The following HS3ST5 variants were observed in gnomAD, a reference collection of about 807,000 sequenced individuals.
The protein encoded by HS3ST5 is heparan sulfate-glucosamine 3-sulfotransferase 5.
HS3ST5 carries 10 observed loss-of-function variants against 25.4 expected under a neutral mutation model. The ratio of observed to expected loss-of-function variants is 0.39; its 90% CI spans 0.24 to 0.67. The LOEUF is 0.67. Ranked by LOEUF, HS3ST5 falls within the 30% of genes least tolerant of loss-of-function variation. The pLI is 0.44. For synonymous variants in HS3ST5, 170 were observed against 162.4 expected (o/e 1.05, Z -0.36); for missense variants, 324 against 420.7 (o/e 0.77, Z 2.01).
At chr6:114,225,894 A>G (rs865961904) in intron 2 of HS3ST5, among the ~76,000 whole-genome samples, 33 of 151,942 alleles carry the variant, frequency 2.2e-4, no homozygotes, top group African/African-American at 7.7e-4. Flanking sequence ...AAAATTACAC[A>G]GCTTATGCTT....
chr6:114,330,441 C>T (rs1217501108), intron 1 of HS3ST5, among the ~76,000 whole-genome samples: 1 of 152,158 alleles, frequency 6.6e-6, no homozygotes, highest in Non-Finnish European at 1.5e-5. Flanking sequence ...TATTGAGTTA[C>T]TGTCATGTTT....
rs144183665 is a variant in HS3ST5 at position 114,271,559 on chromosome 6, T to C, written c.-338-42781A>G. ...ATATATTCTATACCTAAGAAGAAAG[T>C]TACAACTTCAAATTAAAGCAAAAAT... is the stretch of plus-strand genomic sequence containing the variant. On this transcript the variant is annotated intron_variant, in intron 1 of 4. Coordinates refer to ENST00000312719, the MANE Select transcript of HS3ST5 (RefSeq NM_153612.4). Among the ~76,000 whole-genome samples, 822 of 152,052 alleles carry C rather than the reference T, an allele frequency of 5.4e-3. 3 individuals carry two copies. The highest frequency in any genetic ancestry group is 8.4e-3 in the Admixed American group (128 of 15,250).
intron 1 of HS3ST5, chr6:114,251,401 T>A (rs867375045): frequency 6.6e-6 from 1 of 151,976 alleles, no homozygotes; most frequent in Non-Finnish European, 1.5e-5. Context: ...TGACACAGAG[T>A]GTAAAAACCA....
intron 1 of HS3ST5, among the ~76,000 whole-genome samples, chr6:114,234,948 C>T (rs1771784437): frequency 6.6e-6 from 1 of 152,072 alleles, no homozygotes; most frequent in South Asian, 2.1e-4. Context: ...CATGGTGAAA[C>T]CCTGTCTCTA....
At chr6:114,267,024 C>T (rs1191923023) in intron 1 of HS3ST5, among the ~76,000 whole-genome samples, 1 of 152,160 alleles carries the variant, frequency 6.6e-6, no homozygotes, top group Non-Finnish European at 1.5e-5. Context: ...CACACACATA[C>T]AAAAATGCCA....
intron 3 of HS3ST5, among the ~76,000 whole-genome samples, chr6:114,107,908 T>C (rs1776071235): frequency 1.3e-5 from 2 of 152,232 alleles, no homozygotes; most frequent in African/African-American, 2.4e-5. Context: ...TGCCAAGCTG[T>C]CATTTCTCCT....
intron 1 of HS3ST5, among the ~76,000 whole-genome samples, chr6:114,263,833 T>A (rs1226912491): frequency 6.6e-6 from 1 of 151,918 alleles, no homozygotes; most frequent in Non-Finnish European, 1.5e-5. Context: ...CAAATGTCAA[T>A]CATAGTAATT....
chr6:114,256,396 A>C (rs1772924772), intron 1 of HS3ST5, among the ~76,000 whole-genome samples: 2 of 150,730 alleles, frequency 1.3e-5, no homozygotes, highest in Middle Eastern at 3.4e-3. Context: ...TCAAAAAAAA[A>C]AAACAAAAAA....
intron 2 of HS3ST5, among the ~76,000 whole-genome samples, chr6:114,205,601 C>T (rs564409401): frequency 9.6e-4 from 146 of 152,260 alleles, no homozygotes; most frequent in African/African-American, 3.4e-3. Flanking sequence ...AGCCCTTCCC[C>T]GCTCCCTGGA....
At chr6:114,260,220 T>C (rs1027078633) in intron 1 of HS3ST5, among the ~76,000 whole-genome samples, 1 of 152,200 alleles carries the variant, frequency 6.6e-6, no homozygotes, top group African/African-American at 2.4e-5. Context: ...TCATCTATTC[T>C]AATATGGCAA....
At chr6:114,119,506 C>T (rs1776680522) in intron 3 of HS3ST5, among the ~76,000 whole-genome samples, 5 of 152,244 alleles carry the variant, frequency 3.3e-5, no homozygotes, top group Admixed American at 2.0e-4. Context: ...TTAAGGACAA[C>T]ATGAAAAACC....
At position 114,084,201 on chromosome 6, in the gene HS3ST5, A is replaced by C. The variant is rs1212572571; in HGVS notation, c.-32-21324T>G. ...ATTAAGTGGTTGCTCCTATCCATTC[A>C]GTGGCCTGAGCAATGGGAGCTGCAG... On this transcript the variant is annotated intron_variant, in intron 3 of 4. Coordinates refer to ENST00000312719, the MANE Select transcript of HS3ST5 (RefSeq NM_153612.4). 4 of 1,084,864 alleles carry C rather than the reference A, an allele frequency of 3.7e-6. No individual in the cohort carries two copies. In the African/African-American group the frequency reaches 6.2e-5, roughly 17 times the overall value. The allele number at this position is 1,084,864 out of a possible 1,614,324, so 67.2% of individuals were successfully genotyped here. A position where few individuals can be genotyped will look rare whatever the true frequency, so the allele number is the denominator to read the frequency against.
intron 1 of HS3ST5, among the ~76,000 whole-genome samples, chr6:114,276,390 T>C (rs1332891897): frequency 6.6e-6 from 1 of 151,952 alleles, no homozygotes; most frequent in Non-Finnish European, 1.5e-5. Context: ...ATATATTTAT[T>C]GGTTAAATGA....
At chr6:114,067,585 C>T (rs910207278) in intron 3 of HS3ST5, among the ~76,000 whole-genome samples, 32 of 152,088 alleles carry the variant, frequency 2.1e-4, no homozygotes, top group African/African-American at 7.7e-4. Context: ...CTACTGCCAG[C>T]CTAGCTTCTC....
chr6:114,062,876 G>C lies in HS3ST5; in HGVS notation c.-31C>G. ...TCCATCAACCTTCAGGACTGCTGCA[G>C]CCTGCGATAGAAGGACTCATCAGCA... On this transcript the variant is annotated splice_region_variant and 5_prime_UTR_variant, in exon 4 of 5. Coordinates refer to ENST00000312719, the MANE Select transcript of HS3ST5 (RefSeq NM_153612.4). The C allele has an allele frequency of 6.4e-7, 1 of 1,552,750 alleles. No homozygotes were observed. Among genetic ancestry groups the C allele is most frequent in the Non-Finnish European group, 8.9e-7 (1 of 1,124,770 alleles).
intron 1 of HS3ST5, among the ~76,000 whole-genome samples, chr6:114,255,485 C>T (rs1772865046): frequency 6.6e-6 from 1 of 152,172 alleles, no homozygotes; most frequent in African/African-American, 2.4e-5. Flanking sequence ...CTTCTCACAG[C>T]TCCACTAGGC....
intron 2 of HS3ST5, among the ~76,000 whole-genome samples, chr6:114,223,813 A>G (rs1782153172): frequency 6.6e-6 from 1 of 151,774 alleles, no homozygotes; most frequent in Non-Finnish European, 1.5e-5. Flanking sequence ...TGATATAGAA[A>G]TATTTTGTCT....
intron 3 of HS3ST5, chr6:114,084,473 G>A: frequency 1.3e-6 from 1 of 757,446 alleles, no homozygotes. Context: ...ATGACCTCCC[G>A]CGGGTATTCA....
chr6:114,270,887 C>T (rs1019301429), intron 1 of HS3ST5, among the ~76,000 whole-genome samples: 3 of 151,104 alleles, frequency 2.0e-5, no homozygotes, highest in African/African-American at 4.9e-5. Context: ...TAACAATTAT[C>T]ACAGAAAAGT....
Sources: gnomAD v4.1 joint callset for allele counts (sites outside exome capture counted in the v4.1 genomes callset) on GRCh38, gnomAD v4.1.1 for gene constraint, MANE v1.5 for transcripts, NCBI Gene and HGNC (gene_info 2026-07-23, HGNC 2026-07-21) for gene names.